CCDC12: variants seen among roughly 807,000 people sequenced by gnomAD.
CCDC12 encodes coiled-coil domain containing 12.
Under a neutral mutation model 25.7 loss-of-function variants are expected in CCDC12, and 28 were observed. That is an observed-to-expected ratio of 1.09 (90% CI 0.81 to 1.50). The LOEUF (loss-of-function observed/expected upper bound fraction) is 1.50. Ranked by LOEUF, CCDC12 falls within the 40% of genes most tolerant of loss-of-function variation. CCDC12 has a pLI of 0.00. For missense variants in CCDC12, 198 were observed against 210.0 expected (o/e 0.94, Z 0.35); for synonymous variants, 75 against 87.7 (o/e 0.86, Z 0.81).
chr3:46,979,843 G>T (rs924091840), upstream of CCDC12: 3 of 442,052 alleles, frequency 6.8e-6, no homozygotes, highest in Admixed American at 7.9e-5. Context: ...GCGCAGCAGG[G>T]CCGGAGCCGG....
chr3:46,966,472 C>T (rs1172806584), intron 1 of CCDC12, among the ~76,000 whole-genome samples: 2 of 151,612 alleles, frequency 1.3e-5, no homozygotes, highest in African/African-American at 4.9e-5. Flanking sequence ...GCTGAGACTG[C>T]GCCACTGCAC....
chr3:46,962,412 T>C (rs2891892), intron 1 of CCDC12, among the ~76,000 whole-genome samples: 133,302 of 140,224 alleles, frequency 0.95, 63,639 homozygotes, highest in East Asian at 1. Context: ...CCAGCCTGGG[T>C]AACAAGAGCA....
At chr3:46,948,981 G>A (rs553524806) in intron 1 of CCDC12, among the ~76,000 whole-genome samples, 190 of 152,312 alleles carry the variant, frequency 1.2e-3, no homozygotes, top group African/African-American at 4.3e-3. Flanking sequence ...AGGAGGAAGA[G>A]GAACGAGTAG....
Position 46,921,768 on chromosome 3 carries a change from T to C in CCDC12, c.*289A>G, listed in dbSNP as rs945520925. ...GGTTTACTTGTTTCTATTTCCAGATTTTTTTTTAGAAAGTTCAAAATATAT... is the reference window on the plus strand; with the variant it reads ...GGTTTACTTGTTTCTATTTCCAGATCTTTTTTTAGAAAGTTCAAAATATAT... On this transcript the variant is annotated 3_prime_UTR_variant, in exon 7 of 7. Transcript: ENST00000683445. 4.9e-6 allele frequency: 2 copies of C among 409,512 alleles called. No homozygotes were observed. The highest frequency in any genetic ancestry group is 2.0e-5 in the African/African-American group (1 of 49,616). The allele number at this position is 409,512 out of a possible 1,614,324, so 25.4% of individuals were successfully genotyped here.
At chr3:46,933,421 G>T (rs2033310921) in intron 2 of CCDC12, among the ~76,000 whole-genome samples, 1 of 152,194 alleles carries the variant, frequency 6.6e-6, no homozygotes, top group African/African-American at 2.4e-5. Flanking sequence ...ATGGCCACGT[G>T]TTGGCACCAA....
intron 2 of CCDC12, among the ~76,000 whole-genome samples, chr3:46,926,082 T>TA (rs1033122146): frequency 2.6e-5 from 4 of 152,146 alleles, no homozygotes; most frequent in Non-Finnish European, 5.9e-5. Flanking sequence ...CTCAACTACT[T>TA]AGAGAAAAGC....
intron 1 of CCDC12, among the ~76,000 whole-genome samples, chr3:46,943,074 G>C (rs2033772635): frequency 6.6e-6 from 1 of 152,194 alleles, no homozygotes; most frequent in Non-Finnish European, 1.5e-5. Flanking sequence ...GGAGAGACTG[G>C]AGAGAGTTCA....
At chr3:46,958,046 T>A (rs961669345) in intron 1 of CCDC12, among the ~76,000 whole-genome samples, 1 of 150,762 alleles carries the variant, frequency 6.6e-6, no homozygotes, top group African/African-American at 2.4e-5. Context: ...AAGGCTAGAA[T>A]GTAACAAAAG....
At chr3:46,932,153 C>T (rs1238673404) in intron 2 of CCDC12, among the ~76,000 whole-genome samples, 4 of 152,280 alleles carry the variant, frequency 2.6e-5, no homozygotes, top group African/African-American at 9.6e-5. Flanking sequence ...CTCCCTGACC[C>T]GGTAACCCTG....
chr3:46,975,320 G>A (rs543595756), intron 1 of CCDC12, among the ~76,000 whole-genome samples: 1 of 151,716 alleles, frequency 6.6e-6, no homozygotes, highest in African/African-American at 2.4e-5. Context: ...GAGTAACTGG[G>A]ATTACAGGTG....
chr3:46,946,386 G>A (rs2033908355), intron 1 of CCDC12, among the ~76,000 whole-genome samples: 2 of 152,378 alleles, frequency 1.3e-5, no homozygotes, highest in South Asian at 4.1e-4. Context: ...GGTGTTGTCG[G>A]GGAAGGAAGT....
At chr3:46,976,386 A>G in intron 1 of CCDC12, 1 of 1,395,884 alleles carries the variant, frequency 7.2e-7, no homozygotes, top group Non-Finnish European at 9.3e-7. Context: ...AGTCAGATGG[A>G]CTGCGGGTCG....
intron 1 of CCDC12, among the ~76,000 whole-genome samples, chr3:46,966,696 T>C (rs1487473894): frequency 6.6e-6 from 1 of 152,070 alleles, no homozygotes; most frequent in East Asian, 1.9e-4. Context: ...AGAGGAGGGA[T>C]GGATGTCCCG....
At chr3:46,952,877 C>T (rs538473402) in intron 1 of CCDC12, among the ~76,000 whole-genome samples, 1 of 152,324 alleles carries the variant, frequency 6.6e-6, no homozygotes, top group African/African-American at 2.4e-5. Flanking sequence ...CAGAGTCACA[C>T]AGCTAGAGGT....
upstream of CCDC12, among the ~76,000 whole-genome samples, chr3:46,981,436 G>A (rs1457118520): frequency 5.3e-5 from 8 of 151,642 alleles, no homozygotes; most frequent in Non-Finnish European, 8.8e-5. Context: ...GTGAGACTCC[G>A]TCTCAAAAAA....
At chr3:46,976,514 A>G (rs1190749906) in intron 1 of CCDC12, 123 bp downstream of exon 1, 15 of 1,446,658 alleles carry the variant, frequency 1.0e-5, no homozygotes, top group Non-Finnish European at 1.3e-5. Flanking sequence ...CGCATGCGTT[A>G]GCGCCCGCGC....
intron 2 of CCDC12, among the ~76,000 whole-genome samples, chr3:46,938,518 G>GTTTTTTTTTTTTTTTTTTTT: frequency 1.1e-5 from 1 of 91,380 alleles, no homozygotes; most frequent in Non-Finnish European, 2.0e-5. Flanking sequence ...TTCCCCTCCT[G>GTTTTTTTTTTTTTTTTTTTT]TTTTTTTTTT....
intron 1 of CCDC12, among the ~76,000 whole-genome samples, chr3:46,969,052 G>A (rs1208123919): frequency 1.3e-5 from 2 of 152,328 alleles, no homozygotes; most frequent in Middle Eastern, 3.4e-3. Flanking sequence ...GCCTGGGGAT[G>A]TGGCCACATG....
intron 2 of CCDC12, among the ~76,000 whole-genome samples, chr3:46,931,265 G>A (rs573292917): frequency 5.3e-5 from 8 of 152,300 alleles, no homozygotes; most frequent in South Asian, 4.1e-4. Context: ...GCAGGAGCCC[G>A]GGACATGGGC....
Sources: gnomAD v4.1 joint callset for allele counts (sites outside exome capture counted in the v4.1 genomes callset) on GRCh38, gnomAD v4.1.1 for gene constraint, MANE v1.5 for transcripts, NCBI Gene and HGNC (gene_info 2026-07-23, HGNC 2026-07-21) for gene names.